The following UBE3D variants were observed in gnomAD, a reference collection of about 807,000 sequenced individuals.
The protein encoded by UBE3D is E3 ubiquitin-protein ligase E3D.
A neutral mutation model predicts 49.6 loss-of-function variants in UBE3D; 48 were observed. That is an observed-to-expected ratio of 0.97 (90% CI 0.77 to 1.23). UBE3D has a LOEUF of 1.23. UBE3D is among the 50% of genes most tolerant of loss of function. UBE3D has a pLI of 0.00. For missense variants in UBE3D, 452 were observed against 468.4 expected (o/e 0.96, Z 0.32); for synonymous variants, 189 against 174.2 (o/e 1.08, Z -0.67).
intron 1 of UBE3D, among the ~76,000 whole-genome samples, chr6:83,064,613 G>C (rs1784384222): frequency 1.3e-5 from 2 of 152,104 alleles, no homozygotes. Flanking sequence ...TGTGGTTTTT[G>C]TTTTATTTTG....
intron 1 of UBE3D, among the ~76,000 whole-genome samples, chr6:83,062,588 A>C (rs1784238647): frequency 6.6e-6 from 1 of 152,186 alleles, no homozygotes; most frequent in Non-Finnish European, 1.5e-5. Context: ...ATTAACTATA[A>C]AATATACTAA....
chr6:82,895,420 T>C (rs1156645000), intron 9 of UBE3D, among the ~76,000 whole-genome samples: 1 of 152,120 alleles, frequency 6.6e-6, no homozygotes. Context: ...TCTGGAGACA[T>C]TTTCGGTTGT....
intron 9 of UBE3D, among the ~76,000 whole-genome samples, chr6:82,914,508 T>C (rs1286629897): frequency 6.6e-6 from 1 of 152,026 alleles, no homozygotes; most frequent in East Asian, 1.9e-4. Flanking sequence ...TAGGGAGAAG[T>C]TGGCTGGAAA....
the UBE3D span, among the ~76,000 whole-genome samples, chr6:82,883,562 A>G: frequency 1.3e-5 from 2 of 152,224 alleles, no homozygotes; most frequent in African/African-American, 2.4e-5. Context: ...AAAATAAAAC[A>G]CAAGAATCAT....
intron 8 of UBE3D, among the ~76,000 whole-genome samples, chr6:82,985,610 C>A (rs1415565786): frequency 1.3e-5 from 2 of 152,168 alleles, no homozygotes; most frequent in Non-Finnish European, 2.9e-5. Context: ...GATCCACCCG[C>A]CTCGGCCTCA....
intron 8 of UBE3D, among the ~76,000 whole-genome samples, chr6:82,982,577 C>T (rs1464322356): frequency 1.3e-5 from 2 of 152,246 alleles, no homozygotes; most frequent in African/African-American, 2.4e-5. Context: ...TTAACATATC[C>T]CTGTCCCCCG....
At chr6:83,035,112 T>C (rs1159198554) in intron 5 of UBE3D, among the ~76,000 whole-genome samples, 2 of 151,428 alleles carry the variant, frequency 1.3e-5, no homozygotes, top group African/African-American at 4.9e-5. Context: ...GCCCGGGAGG[T>C]TGAGGCTGCC....
At position 82,988,584 on chromosome 6, in the gene UBE3D, G is replaced by A. The variant is rs183708321; in HGVS notation, c.1010+30389C>T. Among the ~76,000 whole-genome samples, 402 of 152,252 alleles carry A rather than the reference G, an allele frequency of 2.6e-3. 4 individuals carry two copies. The highest frequency in any genetic ancestry group is 9.1e-3 in the African/African-American group (376 of 41,546). The stretch of plus-strand genomic sequence containing the variant: ...CTCTTCCTGCTGAGGACATCAGCCA[G>A]TAATCATATGAGGTCTATATGGGAC... On this transcript the variant is annotated intron_variant, in intron 8 of 9. Transcript: ENST00000369747.
chr6:82,909,865 G>T (rs1053623070), intron 9 of UBE3D, among the ~76,000 whole-genome samples: 1 of 152,174 alleles, frequency 6.6e-6, no homozygotes, highest in Non-Finnish European at 1.5e-5. Context: ...GTAGGGGAAT[G>T]AAATTGGATG....
At chr6:82,899,103 A>C (rs1429935202) in intron 9 of UBE3D, among the ~76,000 whole-genome samples, 2 of 152,124 alleles carry the variant, frequency 1.3e-5, no homozygotes, top group Non-Finnish European at 2.9e-5. Context: ...CTCCTGAGAC[A>C]CTACCCAGGA....
chr6:82,904,064 T>C (rs1771926366), intron 9 of UBE3D, among the ~76,000 whole-genome samples: 1 of 152,154 alleles, frequency 6.6e-6, no homozygotes, highest in Non-Finnish European at 1.5e-5. Flanking sequence ...GCTGGAAGTC[T>C]CAGGTGGCTA....
At position 82,950,073 on chromosome 6, in the gene UBE3D, G is replaced by A. The variant is rs143726353; in HGVS notation, c.1149+7239C>T. On this transcript the variant is annotated intron_variant, in intron 9 of 9. Transcript: ENST00000369747. ...AAGGAAACAATCAACAAAGTGAAGA[G>A]ACAACTCACAGAATGGAACGATACA... Among the ~76,000 whole-genome samples, 452 of 152,172 alleles carry A rather than the reference G, an allele frequency of 3.0e-3. 2 individuals carry two copies. Among genetic ancestry groups the A allele is most frequent in the African/African-American group, 0.01 (436 of 41,528 alleles).
chr6:82,971,647 T>C (rs1777359288), intron 8 of UBE3D, among the ~76,000 whole-genome samples: 2 of 152,098 alleles, frequency 1.3e-5, no homozygotes, highest in African/African-American at 4.8e-5. Context: ...TGATCTGGAA[T>C]TCCTAGCCTC....
intron 9 of UBE3D, among the ~76,000 whole-genome samples, chr6:82,929,251 C>A (rs554982139): frequency 6.6e-6 from 1 of 151,504 alleles, no homozygotes; most frequent in African/African-American, 2.4e-5. Context: ...CTAATCACAT[C>A]TGATGGAGAT....
intron 4 of UBE3D, among the ~76,000 whole-genome samples, chr6:83,039,805 G>A (rs576529036): frequency 7.9e-5 from 12 of 152,008 alleles, no homozygotes; most frequent in South Asian, 6.2e-4. Context: ...CACCATGCCC[G>A]GCTAATTTTT....
chr6:83,012,069 G>T (rs920749709), intron 8 of UBE3D, among the ~76,000 whole-genome samples: 1 of 152,170 alleles, frequency 6.6e-6, no homozygotes, highest in Non-Finnish European at 1.5e-5. Flanking sequence ...AACACAGTAA[G>T]ATCAGTGAGT....
intron 6 of UBE3D, among the ~76,000 whole-genome samples, chr6:83,023,006 A>T (rs896756038): frequency 6.6e-6 from 1 of 152,230 alleles, no homozygotes; most frequent in Admixed American, 6.5e-5. Flanking sequence ...ACAGAATCAA[A>T]GTATTTACAT....
At chr6:82,922,949 T>C (rs540202885) in intron 9 of UBE3D, among the ~76,000 whole-genome samples, 51 of 152,202 alleles carry the variant, frequency 3.4e-4, no homozygotes, top group Non-Finnish European at 5.4e-4. Context: ...CCAACAGACA[T>C]ATGAAAAAAT....
the UBE3D span, among the ~76,000 whole-genome samples, chr6:82,885,880 A>G: frequency 6.6e-6 from 1 of 152,060 alleles, no homozygotes; most frequent in Non-Finnish European, 1.5e-5. Flanking sequence ...TATTCTTCCC[A>G]TCTTTCCAAA....
Sources: gnomAD v4.1 joint callset for allele counts (sites outside exome capture counted in the v4.1 genomes callset) on GRCh38, gnomAD v4.1.1 for gene constraint, MANE v1.5 for transcripts, NCBI Gene and HGNC (gene_info 2026-07-23, HGNC 2026-07-21) for gene names.